The following SDK2 variants were observed in gnomAD, a reference collection of about 807,000 sequenced individuals.
SDK2 encodes the protein protein sidekick-2.
A neutral mutation model predicts 253.9 loss-of-function variants in SDK2; 105 were observed. The observed-to-expected ratio is 0.41, with a 90% CI of 0.35 to 0.49. The LOEUF (loss-of-function observed/expected upper bound fraction) is 0.49. Ranked by LOEUF, SDK2 falls within the 20% of genes least tolerant of loss-of-function variation. The pLI, the probability that SDK2 is intolerant of heterozygous loss-of-function variation, is 0.06. For missense variants in SDK2, 2,608 were observed against 3,003.0 expected (o/e 0.87, Z 3.07); for synonymous variants, 1,249 against 1,234.9 (o/e 1.01, Z -0.24).
chr17:73,591,223 T>G (rs546101627), intron 1 of SDK2, among the ~76,000 whole-genome samples: 136 of 152,296 alleles, frequency 8.9e-4, no homozygotes, highest in Non-Finnish European at 1.5e-3. Context: ...CGGTCTTAAC[T>G]GTTTCTATAT....
At chr17:73,405,340 C>T (rs113002782) in intron 18 of SDK2, among the ~76,000 whole-genome samples, 10 of 124,566 alleles carry the variant, frequency 8.0e-5, no homozygotes, top group East Asian at 2.5e-4. Flanking sequence ...CTCTGGAGGC[C>T]GAGGCAGGAG....
chr17:73,385,910 A>G lies in SDK2; in HGVS notation c.4506T>C (p.Asp1502=), dbSNP rs78185984. The change falls in exon 32 of 45, where the codon GAT becomes GAC. Residue 1502 remains aspartate (D), a synonymous_variant. Coordinates refer to ENST00000392650, the MANE Select transcript of SDK2 (RefSeq NM_001144952.2). The part of the protein sequence containing the change: ...ESLTTLQAAP[D]EAPTILSVTP... Reference sequence around the variant, plus strand: ...TCACGGAGAGGATGGTGGGTGCTTCATCGGGGGCTGTGGAGAGAAGCAGAC... The same window carrying G: ...TCACGGAGAGGATGGTGGGTGCTTCGTCGGGGGCTGTGGAGAGAAGCAGAC... The G allele has an allele frequency of 4.1e-3, 6,602 of 1,604,378 alleles. 184 individuals carry two copies. The East Asian group carries it at 0.079, about 19-fold the overall frequency.
rs1464915525 is a variant in SDK2 at position 73,401,761 on chromosome 17, CA to C, written c.2681-10del. 1.9e-6 allele frequency: 3 copies of C among 1,565,452 alleles called. No individual in the cohort carries two copies. Among genetic ancestry groups the C allele is most frequent in the South Asian group, 1.2e-5 (1 of 85,176 alleles). On this transcript the variant is annotated splice_polypyrimidine_tract_variant and intron_variant, in intron 19 of 44. Coordinates refer to ENST00000392650, the MANE Select transcript of SDK2 (RefSeq NM_001144952.2). ...TCCCACGGGCCCAGGCACTGCACCC[CA>C]AAAGGAACCCCCACCCCCCAAGGCC...
chr17:73,620,871 C>A (rs190283093), intron 1 of SDK2, among the ~76,000 whole-genome samples: 15 of 152,222 alleles, frequency 9.9e-5, no homozygotes, highest in African/African-American at 2.6e-4. Context: ...GAGTGGGGAG[C>A]AACTGCTTAA....
intron 40 of SDK2, among the ~76,000 whole-genome samples, chr17:73,355,158 C>CTATATATATATATATATATATATA: frequency 2.2e-5 from 1 of 45,996 alleles, no homozygotes; most frequent in Non-Finnish European, 3.5e-5. Context: ...TCCTACACCT[C>CTATATATATATATATATATATATA]CATATATATA....
chr17:73,440,030 G>C (rs2063402352), intron 6 of SDK2, among the ~76,000 whole-genome samples: 1 of 152,032 alleles, frequency 6.6e-6, no homozygotes, highest in African/African-American at 2.4e-5. Flanking sequence ...CTGTGTGGGA[G>C]AGGTGAGGGC....
chr17:73,437,677 G>T, intron 8 of SDK2, 62 bp downstream of exon 8: 1 of 1,324,330 alleles, frequency 7.6e-7, no homozygotes. Flanking sequence ...TGTCCACAAT[G>T]AGGATGGGAG....
intron 2 of SDK2, among the ~76,000 whole-genome samples, chr17:73,490,322 C>G (rs2063797012): frequency 1.3e-5 from 2 of 152,090 alleles, no homozygotes; most frequent in Non-Finnish European, 2.9e-5. Context: ...CAAAGGCGTC[C>G]CAAGTCAAAC....
intron 2 of SDK2, among the ~76,000 whole-genome samples, chr17:73,491,726 T>G (rs971061582): frequency 5.3e-5 from 8 of 152,326 alleles, no homozygotes; most frequent in Middle Eastern, 3.4e-3. Flanking sequence ...GTGACTCAGT[T>G]CCAATCCTTG....
chr17:73,580,576 T>C (rs1429865467), intron 1 of SDK2, among the ~76,000 whole-genome samples: 2 of 152,252 alleles, frequency 1.3e-5, no homozygotes, highest in South Asian at 2.1e-4. Context: ...GACCCGTGCT[T>C]GGTTTAATGT....
chr17:73,399,260 T>C lies in SDK2; in HGVS notation c.3001A>G (p.Ile1001Val), dbSNP rs773410204. 2.5e-5 allele frequency: 40 copies of C among 1,613,668 alleles called. 1 individual carries two copies. In the Admixed American group the frequency reaches 6.3e-4, roughly 26 times the overall value. Residue 1001 changes from isoleucine to valine, a missense_variant, in exon 22 of 45, where the codon ATT (isoleucine) becomes GTT (valine). Transcript: ENST00000392650. ...ACAGAGCGGGGGCCGATGTTGGAAA[T>C]GCCCAGGTTGGTGGGGGGCCCTGGG... Reference protein sequence around the residue: ...ELPGPPTNLGISNIGPRSVTL... With the variant: ...ELPGPPTNLGVSNIGPRSVTL...
intron 1 of SDK2, among the ~76,000 whole-genome samples, chr17:73,516,098 C>T (rs907446061): frequency 2.0e-5 from 3 of 152,222 alleles, no homozygotes; most frequent in Non-Finnish European, 2.9e-5. Context: ...GAAGTTCTTA[C>T]GTCTGAGGCT....
intron 1 of SDK2, among the ~76,000 whole-genome samples, chr17:73,572,327 G>A (rs35611930): frequency 0.36 from 54,394 of 151,712 alleles, 10,250 homozygotes; most frequent in African/African-American, 0.48. Context: ...AGTTATCCCT[G>A]TAGAATTCTG....
intron 1 of SDK2, among the ~76,000 whole-genome samples, chr17:73,611,781 C>T (rs529904798): frequency 6.6e-6 from 1 of 152,370 alleles, no homozygotes; most frequent in African/African-American, 2.4e-5. Context: ...TCCTTGCCAG[C>T]TTTGGAGCAG....
At chr17:73,597,677 G>A (rs915018902) in intron 1 of SDK2, among the ~76,000 whole-genome samples, 2 of 148,168 alleles carry the variant, frequency 1.3e-5, no homozygotes, top group African/African-American at 2.5e-5. Flanking sequence ...ACAGAGTCTC[G>A]CTCTGTCGCC....
At chr17:73,526,371 T>C (rs1376136611) in intron 1 of SDK2, among the ~76,000 whole-genome samples, 1 of 152,146 alleles carries the variant, frequency 6.6e-6, no homozygotes, top group Non-Finnish European at 1.5e-5. Context: ...TGCATGACCT[T>C]GGGCCAGTCA....
At chr17:73,611,242 C>T (rs1048499073) in intron 1 of SDK2, among the ~76,000 whole-genome samples, 2 of 152,200 alleles carry the variant, frequency 1.3e-5, no homozygotes, top group African/African-American at 4.8e-5. Flanking sequence ...TCTCTGCCCC[C>T]ACTGCTGATG....
chr17:73,540,374 T>TAC (rs1255763890), intron 1 of SDK2, among the ~76,000 whole-genome samples: 1 of 152,074 alleles, frequency 6.6e-6, no homozygotes, highest in African/African-American at 2.4e-5. Flanking sequence ...ACTGGAACTT[T>TAC]ACACACACAC....
chr17:73,358,354 T>A, intron 39 of SDK2, 150 bp from the exon 40 acceptor site: 2 of 1,013,094 alleles, frequency 2.0e-6, no homozygotes, highest in Non-Finnish European at 1.4e-6. Context: ...GGCCTGAGAG[T>A]ACATCTCAGG....
Sources: gnomAD v4.1 joint callset for allele counts (sites outside exome capture counted in the v4.1 genomes callset) on GRCh38, gnomAD v4.1.1 for gene constraint, MANE v1.5 for transcripts, NCBI Gene and HGNC (gene_info 2026-07-23, HGNC 2026-07-21) for gene names.